CCDC191: variants seen among roughly 807,000 people sequenced by gnomAD.
CCDC191 encodes coiled-coil domain containing 191.
A neutral mutation model predicts 114.0 loss-of-function variants in CCDC191; 99 were observed. That is an observed-to-expected ratio of 0.87 (90% confidence interval 0.74 to 1.03). The LOEUF is 1.03. Among genes scored for constraint, CCDC191 ranks in the 50% least tolerant of loss-of-function variants. The pLI is 0.00. For missense variants in CCDC191, 973 were observed against 1,087.0 expected, an observed-to-expected ratio of 0.90 and a Z score of 1.47; for synonymous variants, 351 against 376.0, an observed-to-expected ratio of 0.93 and a Z score of 0.77.
At chr3:114,033,346 G>A (rs567344024) in intron 6 of CCDC191, among the ~76,000 whole-genome samples, 9 of 152,190 alleles carry the variant, frequency 5.9e-5, no homozygotes, top group African/African-American at 2.2e-4. Flanking sequence ...CAATATTTAC[G>A]AAAGTCTGTT....
chr3:113,980,699 C>A lies in CCDC191; in HGVS notation c.2258G>T (p.Gly753Val), dbSNP rs148332091. Residue 753 changes from glycine (G) to valine (V), a missense_variant, in exon 14 of 17, where the codon GGT (glycine) becomes GTT (valine). Physicochemically the swap from Gly to Val is moderately radical, Grantham distance 109. Transcript: ENST00000295878. ...HYERVLLRKK[G>V]LEPWKRLRMQ... ...TCTCAATCTCTTCCAAGGCTCTAGA[C>A]CTTTTTTCCTTAGCAAGACCCTTTC... 317 of 1,609,784 alleles carry A rather than the reference C, an allele frequency of 2.0e-4. No homozygotes were observed. Among genetic ancestry groups the A allele is most frequent in the Admixed American group, 8.3e-4 (49 of 58,988 alleles).
chr3:113,979,480 A>T (rs1459782457), intron 14 of CCDC191, among the ~76,000 whole-genome samples: 1 of 152,264 alleles, frequency 6.6e-6, no homozygotes, highest in Non-Finnish European at 1.5e-5. Context: ...CATTATCAAT[A>T]AACCACAAAA....
chr3:113,991,308 C>A (rs958639759), intron 13 of CCDC191, among the ~76,000 whole-genome samples: 1 of 137,524 alleles, frequency 7.3e-6, no homozygotes, highest in African/African-American at 2.7e-5. Flanking sequence ...CACATGAAAT[C>A]TAACAATATA....
chr3:114,035,236 TACAACCA>T, intron 5 of CCDC191, 88 bp from the exon 6 acceptor site: 1 of 930,452 alleles, frequency 1.1e-6, no homozygotes, highest in Non-Finnish European at 1.7e-6. Flanking sequence ...AAGTTCAGAA[TACAACCA>T]GTTTGAAATA....
At chr3:114,043,740 A>G (rs924549622) in intron 3 of CCDC191, among the ~76,000 whole-genome samples, 6 of 152,176 alleles carry the variant, frequency 3.9e-5, no homozygotes, top group Non-Finnish European at 8.8e-5. Flanking sequence ...GGGAACACCA[A>G]TTGGGAAACA....
chr3:114,024,008 C>A (rs537324336), intron 7 of CCDC191, among the ~76,000 whole-genome samples: 19 of 152,124 alleles, frequency 1.2e-4, no homozygotes, highest in Admixed American at 2.0e-4. Flanking sequence ...ACAAATTTAC[C>A]AGAAAAAAAT....
chr3:113,965,066 G>C lies in CCDC191; in HGVS notation c.*89C>G. On this transcript the variant is annotated 3_prime_UTR_variant, in exon 17 of 17. Transcript: ENST00000295878. Reference sequence around the variant, plus strand: ...GAAGTAGCTCGTAGAGAATAAACCAGGTGTATGTATGTATGTGTGTGGGTG... The same window carrying C: ...GAAGTAGCTCGTAGAGAATAAACCACGTGTATGTATGTATGTGTGTGGGTG... 1.5e-6 allele frequency: 1 copy of C among 661,914 alleles called. No homozygotes were observed. Among genetic ancestry groups the C allele is most frequent in the Non-Finnish European group, 2.5e-6 (1 of 404,128 alleles). The allele number at this position is 661,914 out of a possible 1,614,324, so 41.0% of individuals were successfully genotyped here. A position where few individuals can be genotyped will look rare whatever the true frequency, so the allele number is the denominator to read the frequency against.
intron 9 of CCDC191, among the ~76,000 whole-genome samples, chr3:114,009,641 GTA>G (rs1348936158): frequency 1.3e-5 from 2 of 152,054 alleles, no homozygotes; most frequent in African/African-American, 4.8e-5. Flanking sequence ...GTGCACAAGT[GTA>G]TATTCAATAT....
At chr3:114,019,723 A>G (rs949176473) in intron 7 of CCDC191, among the ~76,000 whole-genome samples, 3 of 152,110 alleles carry the variant, frequency 2.0e-5, no homozygotes, top group African/African-American at 4.8e-5. Flanking sequence ...CATAACCAAA[A>G]ACTGCAGTAA....
intron 13 of CCDC191, among the ~76,000 whole-genome samples, chr3:113,986,343 T>C (rs985635638): frequency 6.6e-6 from 1 of 151,922 alleles, no homozygotes; most frequent in Non-Finnish European, 1.5e-5. Flanking sequence ...TATGAAACAA[T>C]GTAACAATGG....
intron 3 of CCDC191, among the ~76,000 whole-genome samples, chr3:114,043,974 A>C (rs2076596924): frequency 6.6e-6 from 1 of 152,090 alleles, no homozygotes; most frequent in African/African-American, 2.4e-5. Context: ...GGATAGCAGC[A>C]GGCTTGAGGA....
At chr3:114,052,484 A>T (rs894554985) in intron 2 of CCDC191, among the ~76,000 whole-genome samples, 2 of 152,162 alleles carry the variant, frequency 1.3e-5, no homozygotes, top group African/African-American at 4.8e-5. Flanking sequence ...ACTAGCATTC[A>T]TGATGGTAGA....
chr3:113,984,958 T>A (rs1287542267), intron 13 of CCDC191, among the ~76,000 whole-genome samples: 1 of 152,138 alleles, frequency 6.6e-6, no homozygotes, highest in African/African-American at 2.4e-5. Context: ...GACAGGCATC[T>A]TCAGGGAGGC....
chr3:113,984,304 A>C (rs573234976), intron 13 of CCDC191: 2 of 152,236 alleles, frequency 1.3e-5, no homozygotes, highest in African/African-American at 4.8e-5. Flanking sequence ...GAGCAAAAAT[A>C]CCCGCCCAAA....
At chr3:113,989,428 T>C (rs1206164017) in intron 13 of CCDC191, among the ~76,000 whole-genome samples, 4 of 152,308 alleles carry the variant, frequency 2.6e-5, no homozygotes, top group South Asian at 2.1e-4. Flanking sequence ...AGCAAAACTT[T>C]ACAATTTCAT....
rs1379349417 is a variant in CCDC191 at position 113,964,570 on chromosome 3, G to A, written c.*585C>T. 6.6e-6 allele frequency: 1 copy of A among 152,224 alleles called. No homozygotes were observed. Among genetic ancestry groups the A allele is most frequent in the Non-Finnish European group, 1.5e-5 (1 of 68,054 alleles). The allele number at this position is 152,224 out of a possible 1,614,324, so 9.4% of individuals were successfully genotyped here. A position where few individuals can be genotyped will look rare whatever the true frequency, so the allele number is the denominator to read the frequency against. ...TCCTTCATGCTTATCAAGGTGCACGGAAGAGAAGCATCTCTGGTGCCTCAG... is the reference window on the plus strand; with the variant it reads ...TCCTTCATGCTTATCAAGGTGCACGAAAGAGAAGCATCTCTGGTGCCTCAG... On this transcript the variant is annotated 3_prime_UTR_variant, in exon 17 of 17. Coordinates refer to ENST00000295878, the MANE Select transcript of CCDC191 (RefSeq NM_020817.2).
At position 114,036,502 on chromosome 3, in the gene CCDC191, G is replaced by T. The variant is rs1040247252; in HGVS notation, c.594+106C>A. On this transcript the variant is annotated intron_variant, in intron 5 of 16. Transcript: ENST00000295878. ...TATTCTCCCTAACCAAACCACAGATGGCACCCTTTTTCATAATAAAGCCTA... is the reference window on the plus strand; with the variant it reads ...TATTCTCCCTAACCAAACCACAGATTGCACCCTTTTTCATAATAAAGCCTA... The T allele has an allele frequency of 1.8e-5, 13 of 703,516 alleles. No individual in the cohort carries two copies. In the South Asian group the frequency reaches 6.0e-4, roughly 32 times the overall value. 43.6% of individuals were successfully genotyped at this position (703,516 alleles called of 1,614,324 possible). A position where few individuals can be genotyped will look rare whatever the true frequency, so the allele number is the denominator to read the frequency against.
intron 7 of CCDC191, 86 bp from the exon 8 acceptor site, chr3:114,018,954 C>A (rs768980100): frequency 1.1e-5 from 14 of 1,227,392 alleles, no homozygotes; most frequent in Non-Finnish European, 1.5e-5. Flanking sequence ...CTCAGATTTT[C>A]CCCTCACACT....
At chr3:114,035,732 G>C (rs143578068) in intron 5 of CCDC191, among the ~76,000 whole-genome samples, 4 of 152,134 alleles carry the variant, frequency 2.6e-5, no homozygotes, top group African/African-American at 9.6e-5. Flanking sequence ...GTAGCTATGA[G>C]AAAGGAAAGG....
Sources: gnomAD v4.1 joint callset for allele counts (sites outside exome capture counted in the v4.1 genomes callset) on GRCh38, gnomAD v4.1.1 for gene constraint, MANE v1.5 for transcripts, NCBI Gene and HGNC (gene_info 2026-07-23, HGNC 2026-07-21) for gene names.